ANGPTL5: variants seen among roughly 807,000 people sequenced by gnomAD.
ANGPTL5 encodes angiopoietin-related protein 5.
ANGPTL5 carries 34 observed loss-of-function variants against 39.4 expected under a neutral mutation model. The ratio of observed to expected loss-of-function variants is 0.86; its 90% CI spans 0.66 to 1.15. ANGPTL5 has a LOEUF of 1.15. Among genes scored for constraint, ANGPTL5 ranks in the 50% most tolerant of loss-of-function variants. The pLI, the probability that ANGPTL5 is intolerant of heterozygous loss-of-function variation, is 0.00. For missense variants in ANGPTL5, 467 were observed against 457.5 expected, an observed-to-expected ratio of 1.02 and a Z score of -0.19; for synonymous variants, 146 against 152.1, an observed-to-expected ratio of 0.96 and a Z score of 0.29.
intron 7 of ANGPTL5, among the ~76,000 whole-genome samples, chr11:101,900,181 A>G (rs894550166): frequency 6.6e-6 from 1 of 152,202 alleles, no homozygotes; most frequent in Non-Finnish European, 1.5e-5. Flanking sequence ...TAGATACTTA[A>G]TACATATCCA....
intron 1 of ANGPTL5, among the ~76,000 whole-genome samples, chr11:101,914,460 A>G (rs1940150640): frequency 6.6e-6 from 1 of 152,234 alleles, no homozygotes; most frequent in African/African-American, 2.4e-5. Flanking sequence ...TCTGGCAGCA[A>G]TGCGAGAACC....
At chr11:101,893,784 G>A (rs1297897109) in intron 8 of ANGPTL5, among the ~76,000 whole-genome samples, 2 of 152,210 alleles carry the variant, frequency 1.3e-5, no homozygotes, top group East Asian at 1.9e-4. Context: ...AATATCACAA[G>A]TGTAAACCCC....
Position 101,891,463 on chromosome 11 carries a change from T to C in ANGPTL5, c.983A>G (p.His328Arg). The C allele has an allele frequency of 1.2e-6, 2 of 1,614,082 alleles. No individual in the cohort carries two copies. The highest frequency in any genetic ancestry group is 2.2e-5 in the East Asian group (1 of 44,876). ...GQSVKSCSHLHNKTGWWFNEC... is the reference protein window; with the variant it reads ...GQSVKSCSHLRNKTGWWFNEC... ...GTTAAACCACCAGCCGGTCTTGTTA[T>C]GGAGGTGACTGCAGCTCTTCACAGA... is the stretch of plus-strand genomic sequence containing the variant. The change falls in exon 9 of 9, where the codon CAT becomes CGT. Residue 328 changes from histidine to arginine, a missense_variant. By Grantham distance (29) the His-to-Arg change is conservative. Transcript: ENST00000334289.
rs1429705104 is a variant in ANGPTL5, at chr11:101,890,938, C to T, written c.*341G>A. 5.6e-6 allele frequency: 1 copy of T among 179,004 alleles called. No individual in the cohort carries two copies. The highest frequency in any genetic ancestry group is 1.2e-5 in the Non-Finnish European group (1 of 84,458). The allele number at this position is 179,004 out of a possible 1,614,324, so 11.1% of individuals were successfully genotyped here. On this transcript the variant is annotated 3_prime_UTR_variant, in exon 9 of 9. Transcript: ENST00000334289. The stretch of plus-strand genomic sequence containing the variant: ...AGTATAAAAATAAGTAAAATATTCC[C>T]TTCAATTTTCCTTACAACATATTAT...
In ANGPTL5 at chr11:101,907,929, A is replaced by G; in HGVS notation, c.-20T>C. On this transcript the variant is annotated 5_prime_UTR_variant, in exon 2 of 9. Transcript: ENST00000334289. ...CATCATATTTTTCTTGGATAGATGA[A>G]AACACTTCTTCAAATATCAGTCAGC... is the stretch of plus-strand genomic sequence containing the variant. 1 of 1,499,330 alleles carries G rather than the reference A, an allele frequency of 6.7e-7. No homozygotes were observed. The highest frequency in any genetic ancestry group is 2.3e-5 in the East Asian group (1 of 44,038). The allele number at this position is 1,499,330 out of a possible 1,614,324, so 92.9% of individuals were successfully genotyped here.
rs772615341 is a variant in ANGPTL5 at position 101,907,247 on chromosome 11, C to A, written c.97G>T (p.Asp33Tyr). 2 of 1,455,486 alleles carry A rather than the reference C, an allele frequency of 1.4e-6. No individual in the cohort carries two copies. Among genetic ancestry groups the A allele is most frequent in the Non-Finnish European group, 1.9e-6 (2 of 1,065,022 alleles). The allele number at this position is 1,455,486 out of a possible 1,614,324, so 90.2% of individuals were successfully genotyped here. Residue 33 changes from aspartate (D) to tyrosine (Y), a missense_variant and splice_region_variant, in exon 3 of 9, where the codon GAC becomes TAC. Physicochemically the swap from Asp to Tyr is radical, Grantham distance 160. Transcript: ENST00000334289. ...VQGNCVHHST[D>Y]SSVVNIVEDG... ...TCTACAATGTTAACTACTGAAGAGT[C>A]CTTTATATTAAAAAATAGAAATAAG...
chr11:101,914,902 C>T (rs1306313152), intron 1 of ANGPTL5: 1 of 196,502 alleles, frequency 5.1e-6, no homozygotes, highest in Admixed American at 5.9e-5. Flanking sequence ...CTTGGGTTGC[C>T]ACCCGCCGCT....
chr11:101,901,213 C>T (rs1939893389), intron 6 of ANGPTL5, among the ~76,000 whole-genome samples: 1 of 151,896 alleles, frequency 6.6e-6, no homozygotes, highest in Non-Finnish European at 1.5e-5. Flanking sequence ...TCTTATTACT[C>T]AACTTTATAA....
At position 101,907,977 on chromosome 11, in the gene ANGPTL5, G is replaced by C; in HGVS notation, c.-68C>G. 8.5e-7 allele frequency: 1 copy of C among 1,181,726 alleles called. No homozygotes were observed. The highest frequency in any genetic ancestry group is 1.2e-6 in the Non-Finnish European group (1 of 800,986). 73.2% of individuals were successfully genotyped at this position (1,181,726 alleles called of 1,614,324 possible). A position where few individuals can be genotyped will look rare whatever the true frequency, so the allele number is the denominator to read the frequency against. On this transcript the variant is annotated 5_prime_UTR_variant, in exon 2 of 9. Transcript: ENST00000334289. ...AGCTCTTTGTGGAAAGAACTACAGAGCATAGAGTCTTCAGTTAAAAACCTC... is the reference window on the plus strand; with the variant it reads ...AGCTCTTTGTGGAAAGAACTACAGACCATAGAGTCTTCAGTTAAAAACCTC...
chr11:101,895,028 A>C lies in ANGPTL5; in HGVS notation c.698T>G (p.Ile233Arg). ...FWLGLKKIFY[I>R]VNQKNTSFML... ...AAAACTGGTATTTTTCTGATTTACTATATAAAAAATCTTTTTCAGTCCTAG... is the reference window on the plus strand; with the variant it reads ...AAAACTGGTATTTTTCTGATTTACTCTATAAAAAATCTTTTTCAGTCCTAG... The change falls in exon 8 of 9, where the codon ATA (isoleucine) becomes AGA (arginine). Residue 233 changes from isoleucine (I) to arginine (R), a missense_variant. Physicochemically the swap from Ile to Arg is moderately conservative, Grantham distance 97 (BLOSUM62 -3). Transcript: ENST00000334289. 5 of 1,605,106 alleles carry C rather than the reference A, an allele frequency of 3.1e-6. No individual in the cohort carries two copies. Among genetic ancestry groups the C allele is most frequent in the Non-Finnish European group, 4.3e-6 (5 of 1,175,596 alleles).
chr11:101,906,844 G>A (rs185673704), intron 3 of ANGPTL5, among the ~76,000 whole-genome samples: 3 of 151,958 alleles, frequency 2.0e-5, no homozygotes, highest in African/African-American at 7.2e-5. Context: ...GTCTTAATAG[G>A]TCTAAAGCTG....
intron 8 of ANGPTL5, among the ~76,000 whole-genome samples, chr11:101,892,970 T>G (rs868773037): frequency 6.6e-5 from 10 of 152,248 alleles, no homozygotes; most frequent in South Asian, 2.1e-4. Flanking sequence ...ATATATAATC[T>G]CCAACACCCA....
chr11:101,895,483 A>G (rs1006056192), intron 7 of ANGPTL5, among the ~76,000 whole-genome samples: 1 of 152,244 alleles, frequency 6.6e-6, no homozygotes, highest in Non-Finnish European at 1.5e-5. Context: ...TTACCAGTAA[A>G]TGAGAAGGTT....
intron 5 of ANGPTL5, among the ~76,000 whole-genome samples, chr11:101,904,496 T>G (rs1362312934): frequency 6.6e-6 from 1 of 152,198 alleles, no homozygotes; most frequent in Non-Finnish European, 1.5e-5. Context: ...CTTTCTTTTC[T>G]TCTATCTGAA....
intron 5 of ANGPTL5, 107 bp from the exon 6 acceptor site, chr11:101,902,828 A>G (rs768338977): frequency 3.4e-4 from 235 of 685,882 alleles, no homozygotes; most frequent in Admixed American, 7.7e-4. Context: ...TCATTATTAT[A>G]TTATTTTAAC....
chr11:101,915,535 G>T (rs1238738105), intron 1 of ANGPTL5: 9 of 1,265,590 alleles, frequency 7.1e-6, no homozygotes, highest in Non-Finnish European at 9.8e-6. Context: ...TCTTAGTGCA[G>T]ATATTTCCTT....
At chr11:101,892,462 C>G (rs957814106) in intron 8 of ANGPTL5, among the ~76,000 whole-genome samples, 3 of 152,108 alleles carry the variant, frequency 2.0e-5, no homozygotes, top group African/African-American at 7.2e-5. Flanking sequence ...ACCTCCTGAC[C>G]TCAAGTGATC....
intron 1 of ANGPTL5, among the ~76,000 whole-genome samples, chr11:101,911,154 TG>T (rs1197673962): frequency 7.7e-6 from 1 of 130,056 alleles, no homozygotes; most frequent in East Asian, 2.8e-4. Context: ...GACAGAGCCT[TG>T]CTCTGTCACC....
intron 7 of ANGPTL5, among the ~76,000 whole-genome samples, chr11:101,897,747 G>T (rs1030381527): frequency 6.6e-6 from 1 of 152,104 alleles, no homozygotes; most frequent in African/African-American, 2.4e-5. Flanking sequence ...AAGCTGTTTT[G>T]GTTACTGTAG....
Sources: allele counts gnomAD v4.1 joint callset (sites outside exome capture counted in the v4.1 genomes callset), GRCh38; gene constraint gnomAD v4.1.1; transcripts MANE v1.5; gene names NCBI Gene and HGNC (gene_info 2026-07-23, HGNC 2026-07-21).